SPIRE1: variants seen among roughly 807,000 people sequenced by gnomAD.
SPIRE1 encodes the protein protein spire homolog 1.
Under a neutral mutation model 94.1 loss-of-function variants are expected in SPIRE1, and 40 were observed. The observed-to-expected ratio is 0.43, with a 90% CI of 0.33 to 0.55. SPIRE1 has a LOEUF of 0.55. Ranked by LOEUF, SPIRE1 falls within the 20% of genes least tolerant of loss-of-function variation. SPIRE1 has a pLI of 0.06. For missense variants in SPIRE1, 838 were observed against 975.2 expected (o/e 0.86, Z 1.87); for synonymous variants, 376 against 371.7 (o/e 1.01, Z -0.13).
chr18:12,546,959 T>A, intron 2 of SPIRE1, 55 bp from the exon 3 acceptor site: 3 of 1,211,870 alleles, frequency 2.5e-6, no homozygotes, highest in South Asian at 2.8e-5. Context: ...TTTCTAGGAC[T>A]AATTGTGAGG....
At chr18:12,516,784 C>A (rs766072340) in intron 4 of SPIRE1, among the ~76,000 whole-genome samples, 1 of 152,172 alleles carries the variant, frequency 6.6e-6, no homozygotes, top group Non-Finnish European at 1.5e-5. Flanking sequence ...AACAGGGCCC[C>A]TTTTCCACCC....
At chr18:12,547,485 C>T (rs1362335846) in intron 2 of SPIRE1, among the ~76,000 whole-genome samples, 2 of 152,206 alleles carry the variant, frequency 1.3e-5, no homozygotes, top group Non-Finnish European at 2.9e-5. Context: ...AGTAGATACA[C>T]CACTGTTGCA....
chr18:12,491,013 T>C (rs1200398317), intron 8 of SPIRE1, among the ~76,000 whole-genome samples: 2 of 152,058 alleles, frequency 1.3e-5, no homozygotes, highest in African/African-American at 4.8e-5. Flanking sequence ...GACATGATCT[T>C]ACAGATAGAA....
rs1598881103 is a variant in SPIRE1 at position 12,452,376 on chromosome 18, T to G, written c.1891A>C (p.Lys631Gln). Residue 631 changes from lysine to glutamine, a missense_variant, in exon 16 of 17, where the codon AAA (lysine) becomes CAA (glutamine). This residue lies in a region of SPIRE1 where 645 missense variants were observed against 804.7 expected (regional missense o/e 0.80). Transcript: ENST00000409402. ...QCCKKMRLPS[K>Q]PYSTLPIFSL... ...AAGATAGGAAGAGTGGAGTATGGTT[T>G]GGAGGGCAGCCGCATCTATTATCCC... is the stretch of plus-strand genomic sequence containing the variant. 2 of 1,614,162 alleles carry G rather than the reference T, an allele frequency of 1.2e-6. No individual in the cohort carries two copies. The highest frequency in any genetic ancestry group is 1.7e-6 in the Non-Finnish European group (2 of 1,180,036).
chr18:12,650,477 G>A (rs1181272284), intron 1 of SPIRE1, among the ~76,000 whole-genome samples: 1 of 151,978 alleles, frequency 6.6e-6, no homozygotes, highest in Non-Finnish European at 1.5e-5. Context: ...TTGGGAGGCC[G>A]AGGTGGGTGG....
At chr18:12,635,714 C>T (rs561883922) in intron 1 of SPIRE1, among the ~76,000 whole-genome samples, 22 of 152,114 alleles carry the variant, frequency 1.4e-4, no homozygotes, top group South Asian at 1.0e-3. Flanking sequence ...ATACATAATA[C>T]CAAAGAACAT....
chr18:12,547,365 A>C (rs2035204238), intron 2 of SPIRE1, among the ~76,000 whole-genome samples: 1 of 152,156 alleles, frequency 6.6e-6, no homozygotes, highest in Non-Finnish European at 1.5e-5. Context: ...ATGCAAACAA[A>C]TGAGAGACCT....
upstream of SPIRE1, among the ~76,000 whole-genome samples, chr18:12,659,090 ATTAAT>A (rs1301097771): frequency 6.6e-6 from 1 of 152,226 alleles, no homozygotes; most frequent in Admixed American, 6.5e-5. Context: ...CCATTGGTAG[ATTAAT>A]TTAATCGATA....
intron 4 of SPIRE1, among the ~76,000 whole-genome samples, chr18:12,520,719 A>C (rs2034333593): frequency 6.6e-6 from 1 of 152,182 alleles, no homozygotes; most frequent in Admixed American, 6.5e-5. Context: ...ACTTGGAGGG[A>C]TATAAACCTA....
At chr18:12,530,407 C>T (rs1213134993) in intron 4 of SPIRE1, among the ~76,000 whole-genome samples, 1 of 152,148 alleles carries the variant, frequency 6.6e-6, no homozygotes, top group East Asian at 1.9e-4. Flanking sequence ...CACTCTATTA[C>T]CAAGGCTGGA....
chr18:12,635,440 GTATTT>G (rs1391130602), intron 1 of SPIRE1, among the ~76,000 whole-genome samples: 4 of 151,978 alleles, frequency 2.6e-5, no homozygotes, highest in Non-Finnish European at 5.9e-5. Context: ...TACTTTAAAG[GTATTT>G]TATTTTAAGT....
At chr18:12,600,024 C>T (rs143928896) in intron 2 of SPIRE1, among the ~76,000 whole-genome samples, 5 of 149,344 alleles carry the variant, frequency 3.3e-5, no homozygotes, top group Non-Finnish European at 4.4e-5. Context: ...CAAGTGGCCA[C>T]GTTGGGAACC....
At chr18:12,581,860 T>TAA (rs34528391) in intron 2 of SPIRE1, among the ~76,000 whole-genome samples, 4 of 147,234 alleles carry the variant, frequency 2.7e-5, no homozygotes, top group Non-Finnish European at 3.0e-5. Flanking sequence ...TGAGACTGTT[T>TAA]AAAAAAAAAA....
chr18:12,554,607 TAGG>T (rs917860554), intron 2 of SPIRE1, among the ~76,000 whole-genome samples: 4 of 152,028 alleles, frequency 2.6e-5, no homozygotes, highest in African/African-American at 7.2e-5. Flanking sequence ...TTCTGAAAAA[TAGG>T]AGGGAATATT....
At chr18:12,561,706 G>T (rs1274298878) in intron 2 of SPIRE1, among the ~76,000 whole-genome samples, 3 of 152,160 alleles carry the variant, frequency 2.0e-5, no homozygotes, top group Non-Finnish European at 4.4e-5. Context: ...TTTTAGAAAG[G>T]TTTATTAAAG....
At chr18:12,465,967 C>T (rs2032077812) in intron 10 of SPIRE1, among the ~76,000 whole-genome samples, 1 of 151,782 alleles carries the variant, frequency 6.6e-6, no homozygotes. Context: ...GCCTGTAGTC[C>T]CAGCTACTTG....
chr18:12,623,053 C>T (rs3931007), intron 2 of SPIRE1, among the ~76,000 whole-genome samples: 137,119 of 152,234 alleles, frequency 0.9, 62,013 homozygotes, highest in Non-Finnish European at 0.95. Flanking sequence ...GGAAGAGATG[C>T]CGAGAAAAAT....
At chr18:12,546,264 C>T (rs770563908) in intron 3 of SPIRE1, among the ~76,000 whole-genome samples, 56 of 152,106 alleles carry the variant, frequency 3.7e-4, no homozygotes, top group Non-Finnish European at 6.6e-4. Context: ...GCTGGGATTA[C>T]AGCCGTGAGC....
chr18:12,485,785 T>A (rs547791642), intron 9 of SPIRE1, among the ~76,000 whole-genome samples, 174 bp downstream of exon 9: 141 of 152,306 alleles, frequency 9.3e-4, no homozygotes, highest in African/African-American at 3.3e-3. Flanking sequence ...GTCTTGTATC[T>A]TTTTTACATA....
Sources: allele counts gnomAD v4.1 joint callset (sites outside exome capture counted in the v4.1 genomes callset), GRCh38; gene constraint gnomAD v4.1.1; regional missense constraint gnomAD v4.1.1; transcripts MANE v1.5; gene names NCBI Gene and HGNC (gene_info 2026-07-23, HGNC 2026-07-21).